The following CCDC146 variants were observed in gnomAD, a reference collection of about 807,000 sequenced individuals.
The protein encoded by CCDC146 is coiled-coil domain containing 146.
CCDC146 carries 92 observed loss-of-function variants against 119.3 expected under a neutral mutation model. The observed-to-expected ratio is 0.77, with a 90% CI of 0.65 to 0.92. The LOEUF (loss-of-function observed/expected upper bound fraction) is 0.92, where lower values mean the gene tolerates loss of function less well. CCDC146 is among the 40% of genes least tolerant of loss of function. The pLI is 0.00. For missense variants in CCDC146, 1,000 were observed against 1,103.0 expected (o/e 0.91, Z 1.32); for synonymous variants, 372 against 371.8 (o/e 1.00, Z -0.01).
intron 4 of CCDC146, among the ~76,000 whole-genome samples, chr7:77,244,322 G>T (rs1009201635): frequency 6.6e-6 from 1 of 152,086 alleles, no homozygotes; most frequent in Admixed American, 6.6e-5. Flanking sequence ...TTTTATAAAT[G>T]TAGCCTAAGT....
chr7:77,228,101 C>A (rs1031498002), intron 2 of CCDC146, among the ~76,000 whole-genome samples: 10 of 152,154 alleles, frequency 6.6e-5, no homozygotes, highest in African/African-American at 2.4e-4. Context: ...GATTAAAGAC[C>A]AAAATGTATT....
At chr7:77,149,309 C>T (rs1354450124) in intron 1 of CCDC146, among the ~76,000 whole-genome samples, 2 of 152,124 alleles carry the variant, frequency 1.3e-5, no homozygotes, top group African/African-American at 2.4e-5. Context: ...CTTCCTTACA[C>T]CTTATACAAA....
intron 1 of CCDC146, among the ~76,000 whole-genome samples, chr7:77,152,006 T>TCA (rs1048643379): frequency 1.5e-4 from 23 of 152,156 alleles, no homozygotes; most frequent in African/African-American, 5.3e-4. Context: ...CTGTGCTTCA[T>TCA]CACATAAAGT....
At chr7:77,241,968 A>C (rs1792858312) in intron 4 of CCDC146, 68 bp downstream of exon 4, 1 of 1,250,756 alleles carries the variant, frequency 8.0e-7, no homozygotes, top group Non-Finnish European at 1.2e-6. Context: ...AATCAGATTA[A>C]GTTGGAGGTA....
chr7:77,255,983 AAC>A (rs1477130029), intron 5 of CCDC146, among the ~76,000 whole-genome samples: 1 of 152,236 alleles, frequency 6.6e-6, no homozygotes, highest in Non-Finnish European at 1.5e-5. Context: ...GCTACTAGAA[AAC>A]AGACTGTACA....
chr7:77,135,483 G>GAGAGAGAGCGAAAGAA (rs1246286062), intron 1 of CCDC146, among the ~76,000 whole-genome samples: 13 of 151,994 alleles, frequency 8.6e-5, no homozygotes, highest in Non-Finnish European at 1.3e-4. Flanking sequence ...GAAAGAGCGA[G>GAGAGAGAGCGAAAGAA]AGAGAGAGCG....
chr7:77,124,381 T>C (rs1430597991), intron 1 of CCDC146, among the ~76,000 whole-genome samples: 11 of 152,230 alleles, frequency 7.2e-5, no homozygotes, highest in Non-Finnish European at 1.5e-5. Flanking sequence ...CAATGATTAA[T>C]AAAAGTTGTA....
At chr7:77,239,815 G>A (rs60640909) in intron 3 of CCDC146, among the ~76,000 whole-genome samples, 1,885 of 152,290 alleles carry the variant, frequency 0.012, 38 homozygotes, top group African/African-American at 0.043. Context: ...TAAGATACTG[G>A]AGATTCCGCC....
intron 1 of CCDC146, among the ~76,000 whole-genome samples, chr7:77,164,679 T>C (rs1470499869): frequency 6.6e-6 from 1 of 152,232 alleles, no homozygotes; most frequent in African/African-American, 2.4e-5. Context: ...GCACATCTTT[T>C]TGAAACATAA....
At chr7:77,277,421 A>G (rs932768289) in intron 11 of CCDC146, among the ~76,000 whole-genome samples, 2 of 152,256 alleles carry the variant, frequency 1.3e-5, no homozygotes, top group Non-Finnish European at 2.9e-5. Context: ...AAACCAAAAT[A>G]GACAATTCTT....
Position 77,196,678 on chromosome 7 carries a change from A to G in CCDC146, c.156+28854A>G, listed in dbSNP as rs1484517044. ...ACAAGGCATATAGTTCGACACCATTAAAGTCTTCAAGATCTATTCTCAGAA... is the reference window on the plus strand; with the variant it reads ...ACAAGGCATATAGTTCGACACCATTGAAGTCTTCAAGATCTATTCTCAGAA... On this transcript the variant is annotated intron_variant, in intron 2 of 18. Coordinates refer to ENST00000285871, the MANE Select transcript of CCDC146 (RefSeq NM_020879.3). This position sits in a 1 kb window ranked among gnomAD's most constrained non-coding sequence, Gnocchi z 4.2. 1 of 1,614,232 alleles carries G rather than the reference A, an allele frequency of 6.2e-7. No homozygotes were observed. The highest frequency in any genetic ancestry group is 1.7e-5 in the Admixed American group (1 of 60,026).
chr7:77,278,258 T>C (rs1002198270), intron 11 of CCDC146, among the ~76,000 whole-genome samples: 1 of 152,136 alleles, frequency 6.6e-6, no homozygotes, highest in African/African-American at 2.4e-5. Context: ...TCCAAACTTT[T>C]CCTCAAACCC....
intron 1 of CCDC146, among the ~76,000 whole-genome samples, chr7:77,127,780 A>G (rs559091792): frequency 6.2e-4 from 94 of 152,102 alleles, no homozygotes; most frequent in African/African-American, 2.1e-3. Context: ...TCTCATTTAG[A>G]CATGTATTTT....
intron 2 of CCDC146, among the ~76,000 whole-genome samples, chr7:77,177,013 T>C (rs1238145819): frequency 6.6e-6 from 1 of 151,828 alleles, no homozygotes; most frequent in East Asian, 1.9e-4. Flanking sequence ...TTTTTGTATT[T>C]TATGTAGAGA....
intron 1 of CCDC146, among the ~76,000 whole-genome samples, chr7:77,136,408 A>C (rs996414352): frequency 1.3e-5 from 2 of 152,192 alleles, no homozygotes; most frequent in African/African-American, 4.8e-5. Context: ...AAAAAGACAG[A>C]AGACACAAAT....
rs1791115926 is a variant in CCDC146, at chr7:77,152,072, A to G, written c.-11-15586A>G. 2.6e-5 allele frequency among the ~76,000 whole-genome samples: 4 copies of G among 152,188 alleles called. No individual in the cohort carries two copies. The South Asian group carries it at 8.3e-4, about 32-fold the overall frequency. On this transcript the variant is annotated intron_variant, in intron 1 of 18. Coordinates refer to ENST00000285871, the MANE Select transcript of CCDC146 (RefSeq NM_020879.3). ...CCTCTTTTTCCAAGTACCACCTGGG[A>G]AAGGAGGCACATTACCCCCTTGATA...
intron 9 of CCDC146, among the ~76,000 whole-genome samples, chr7:77,272,904 A>G (rs1311546354): frequency 6.6e-6 from 1 of 152,244 alleles, no homozygotes; most frequent in African/African-American, 2.4e-5. Context: ...TCTTTTGTGT[A>G]AGAAATTTCC....
rs1436875511 is a variant in CCDC146, at chr7:77,294,781, G to A, written c.2783G>A (p.Gly928Asp). The A allele has an allele frequency of 6.2e-7, 1 of 1,614,096 alleles. No individual in the cohort carries two copies. Among genetic ancestry groups the A allele is most frequent in the Non-Finnish European group, 8.5e-7 (1 of 1,180,018 alleles). ...DATLPLPKPY[G>D]ALAPFKPSEP... ...ACTCTTCCTTTGCCAAAACCTTATG[G>A]TGCTTTGGCTCCTTTTAAACCCAGT... Residue 928 changes from glycine (G) to aspartate (D), a missense_variant, in exon 19 of 19, where the codon GGT becomes GAT. Gly to Asp is a moderately conservative substitution (Grantham distance 94). Around this residue, in one of 2 missense-constraint regions of CCDC146, gnomAD observed 985 missense variants for 1,045.3 expected, o/e 0.94. Coordinates refer to ENST00000285871, the MANE Select transcript of CCDC146 (RefSeq NM_020879.3).
chr7:77,278,007 C>T (rs977072737), intron 11 of CCDC146, among the ~76,000 whole-genome samples: 5 of 152,120 alleles, frequency 3.3e-5, no homozygotes, highest in African/African-American at 1.2e-4. Flanking sequence ...ATGTGTAACA[C>T]CTCCTTACAG....
Sources: allele counts gnomAD v4.1 joint callset (sites outside exome capture counted in the v4.1 genomes callset), GRCh38; gene constraint gnomAD v4.1.1; regional missense constraint gnomAD v4.1.1; non-coding constraint Gnocchi (gnomAD v3.1); transcripts MANE v1.5; gene names NCBI Gene and HGNC (gene_info 2026-07-23, HGNC 2026-07-21).